CAB39: variants seen among roughly 807,000 people sequenced by gnomAD.
CAB39 encodes the protein calcium binding protein 39.
A neutral mutation model predicts 40.0 loss-of-function variants in CAB39; 8 were observed. The observed-to-expected ratio is 0.20, with a 90% CI of 0.12 to 0.36. The LOEUF (loss-of-function observed/expected upper bound fraction) is 0.36. Ranked by LOEUF, CAB39 falls within the 10% of genes least tolerant of loss-of-function variation. The pLI is 1.00. For missense variants in CAB39, 270 were observed against 401.1 expected, an observed-to-expected ratio of 0.67 and a Z score of 2.79; for synonymous variants, 156 against 141.6, an observed-to-expected ratio of 1.10 and a Z score of -0.72.
chr2:230,763,367 G>A (rs189908096), intron 2 of CAB39, among the ~76,000 whole-genome samples: 10 of 152,238 alleles, frequency 6.6e-5, no homozygotes, highest in African/African-American at 2.2e-4. Flanking sequence ...CGAGGTGGGT[G>A]GATCACTTGA....
At chr2:230,716,843 A>G (rs1694359421) in intron 1 of CAB39, among the ~76,000 whole-genome samples, 1 of 152,194 alleles carries the variant, frequency 6.6e-6, no homozygotes. Flanking sequence ...ATCCACAAAA[A>G]TAAAAAATTA....
chr2:230,762,794 A>C (rs146119211), intron 2 of CAB39, among the ~76,000 whole-genome samples: 52 of 152,344 alleles, frequency 3.4e-4, no homozygotes, highest in African/African-American at 1.2e-3. Context: ...CAATAAGATG[A>C]ACAAGGTCTC....
At chr2:230,778,354 G>A (rs1009149549) in intron 2 of CAB39, among the ~76,000 whole-genome samples, 1 of 152,204 alleles carries the variant, frequency 6.6e-6, no homozygotes, top group African/African-American at 2.4e-5. Context: ...TAAGGGCTGT[G>A]AGTACTTCAA....
intron 7 of CAB39, among the ~76,000 whole-genome samples, chr2:230,817,402 C>G (rs1209262525): frequency 2.0e-5 from 3 of 152,098 alleles, no homozygotes; most frequent in Non-Finnish European, 4.4e-5. Flanking sequence ...TAATCAATAA[C>G]TTTTGACCAT....
At chr2:230,742,155 TTTTGTTTGTTTGTTTG>T (rs147143513) in intron 1 of CAB39, among the ~76,000 whole-genome samples, 5 of 150,992 alleles carry the variant, frequency 3.3e-5, no homozygotes, top group African/African-American at 4.9e-5. Flanking sequence ...TTTTGTTTTG[TTTTGTTTGTTTGTTTG>T]TTTGTTTGTT....
chr2:230,769,523 G>A (rs1317129746), intron 2 of CAB39, among the ~76,000 whole-genome samples: 2 of 152,128 alleles, frequency 1.3e-5, no homozygotes. Flanking sequence ...AAAGAAAAAG[G>A]TCTCAGTACA....
intron 1 of CAB39, among the ~76,000 whole-genome samples, chr2:230,735,102 TC>T (rs1694763177): frequency 6.6e-6 from 1 of 152,200 alleles, no homozygotes; most frequent in African/African-American, 2.4e-5. Flanking sequence ...TTCCTTAATT[TC>T]CTTAGAGAGT....
intron 1 of CAB39, among the ~76,000 whole-genome samples, chr2:230,737,465 G>C (rs564543751): frequency 2.6e-5 from 4 of 152,126 alleles, no homozygotes; most frequent in African/African-American, 9.7e-5. Context: ...GAGATTGGCC[G>C]TATGGTTAAC....
chr2:230,813,978 CTTTTTTTTTTTTTTTTTTTTTTTTTT>C, intron 6 of CAB39, 45 bp from the exon 7 acceptor site: 1 of 111,338 alleles, frequency 9.0e-6, no homozygotes, highest in Admixed American at 2.5e-4. Flanking sequence ...ACCTACCAGT[CTTTTTTTTTTTTTTTTTTTTTTTTTT>C]TTTTTTTTGG....
intron 1 of CAB39, among the ~76,000 whole-genome samples, chr2:230,716,138 C>T (rs989513596): frequency 2.6e-5 from 4 of 152,106 alleles, no homozygotes; most frequent in Non-Finnish European, 4.4e-5. Flanking sequence ...TGTTTCATCA[C>T]GTATGAAGTA....
chr2:230,726,137 T>A (rs1455584261), intron 1 of CAB39, among the ~76,000 whole-genome samples: 1 of 152,120 alleles, frequency 6.6e-6, no homozygotes, highest in Non-Finnish European at 1.5e-5. Context: ...GACTTGAAAG[T>A]CATTTTGATG....
chr2:230,813,415 T>C (rs1696338598), intron 6 of CAB39, among the ~76,000 whole-genome samples: 1 of 152,176 alleles, frequency 6.6e-6, no homozygotes, highest in Non-Finnish European at 1.5e-5. Flanking sequence ...TCCTTTTTTA[T>C]CTGCCCAGAT....
chr2:230,775,786 G>A (rs927990481), intron 2 of CAB39, among the ~76,000 whole-genome samples: 3 of 152,124 alleles, frequency 2.0e-5, no homozygotes, highest in African/African-American at 7.2e-5. Flanking sequence ...TGAATCCACA[G>A]ACATTTTAGT....
intron 7 of CAB39, among the ~76,000 whole-genome samples, 161 bp downstream of exon 7, chr2:230,814,275 T>C (rs552582921): frequency 4.1e-4 from 62 of 152,240 alleles, no homozygotes; most frequent in Non-Finnish European, 7.4e-4. Flanking sequence ...AGTTGGACAG[T>C]GATCCATGTG....
intron 1 of CAB39, among the ~76,000 whole-genome samples, chr2:230,733,084 G>A (rs1223566626): frequency 6.6e-6 from 1 of 152,092 alleles, no homozygotes; most frequent in African/African-American, 2.4e-5. Flanking sequence ...ATTGAGAAAT[G>A]GACATGCACA....
At chr2:230,776,280 A>G (rs1559606560) in intron 2 of CAB39, among the ~76,000 whole-genome samples, 1 of 152,186 alleles carries the variant, frequency 6.6e-6, no homozygotes, top group Admixed American at 6.5e-5. Context: ...TTTGAAATTA[A>G]TTAATTCACA....
chr2:230,777,370 T>G (rs1037593799), intron 2 of CAB39, among the ~76,000 whole-genome samples: 9 of 151,750 alleles, frequency 5.9e-5, no homozygotes, highest in East Asian at 3.8e-4. Flanking sequence ...TTGTTTTTTT[T>G]TTTTTAATTT....
chr2:230,794,096 G>GGT (rs1200280611), intron 4 of CAB39, among the ~76,000 whole-genome samples: 2 of 152,114 alleles, frequency 1.3e-5, no homozygotes, highest in Non-Finnish European at 2.9e-5. Context: ...CTATTAAGTT[G>GGT]GTGGGCAGGC....
intron 1 of CAB39, among the ~76,000 whole-genome samples, chr2:230,759,678 A>C (rs1228662267): frequency 6.6e-6 from 1 of 152,252 alleles, no homozygotes; most frequent in Non-Finnish European, 1.5e-5. Context: ...CCTCAGCAGC[A>C]TCAGTCAGCA....
Sources: allele counts gnomAD v4.1 joint callset (sites outside exome capture counted in the v4.1 genomes callset), GRCh38; gene constraint gnomAD v4.1.1; transcripts MANE v1.5; gene names NCBI Gene and HGNC (gene_info 2026-07-23, HGNC 2026-07-21).